Variants in THSD7B observed in about 807,000 individuals in gnomAD.
THSD7B encodes thrombospondin type-1 domain-containing protein 7B.
THSD7B carries 138 observed loss-of-function variants against 213.6 expected under a neutral mutation model. That is an observed-to-expected ratio of 0.65 (90% confidence interval 0.56 to 0.74). THSD7B has a LOEUF of 0.74. THSD7B is among the 30% of genes least tolerant of loss of function. The pLI, the probability that THSD7B is intolerant of heterozygous loss-of-function variation, is 0.00. For missense variants in THSD7B, 1,931 were observed against 1,991.5 expected, an observed-to-expected ratio of 0.97 and a Z score of 0.58; for synonymous variants, 742 against 687.0, an observed-to-expected ratio of 1.08 and a Z score of -1.25.
chr2:137,054,634 T>C (rs887239328), intron 2 of THSD7B, among the ~76,000 whole-genome samples: 1 of 152,162 alleles, frequency 6.6e-6, no homozygotes, highest in Non-Finnish European at 1.5e-5. Flanking sequence ...TAAACATCAT[T>C]TGGGGAAGCT....
chr2:136,888,609 G>A lies in THSD7B; in HGVS notation c.139+6292G>A, dbSNP rs569996558. Among the ~76,000 whole-genome samples, 7 of 152,150 alleles carry A rather than the reference G, an allele frequency of 4.6e-5. No homozygotes were observed. The South Asian group carries it at 8.3e-4, about 18-fold the overall frequency. On this transcript the variant is annotated intron_variant, in intron 2 of 27. Coordinates refer to ENST00000409968, the MANE Select transcript of THSD7B (RefSeq NM_001316349.2). The stretch of plus-strand genomic sequence containing the variant: ...GGATATTGGTTTATCTAAGAGGCAT[G>A]AGTGTTAAATCAGCAATATCCAAAA...
intron 5 of THSD7B, among the ~76,000 whole-genome samples, chr2:137,128,773 T>C (rs571956033): frequency 1.1e-4 from 16 of 152,328 alleles, no homozygotes; most frequent in East Asian, 9.6e-4. Flanking sequence ...CACTGACTTT[T>C]TACTGACACT....
intron 2 of THSD7B, among the ~76,000 whole-genome samples, chr2:136,935,667 G>A (rs1485711080): frequency 6.6e-6 from 1 of 151,956 alleles, no homozygotes; most frequent in East Asian, 1.9e-4. Context: ...CCAGTATGAA[G>A]ATGTTATATG....
At chr2:136,990,567 A>G (rs922494637) in intron 2 of THSD7B, among the ~76,000 whole-genome samples, 1 of 152,106 alleles carries the variant, frequency 6.6e-6, no homozygotes, top group African/African-American at 2.4e-5. Context: ...GCTGTGCTGG[A>G]ATGTGGGGCA....
intron 5 of THSD7B, 76 bp from the exon 6 acceptor site, chr2:137,160,137 C>A: frequency 6.9e-7 from 1 of 1,443,502 alleles, no homozygotes; most frequent in Non-Finnish European, 9.3e-7. Context: ...GCAAGACAGG[C>A]ATGCAAATAA....
At chr2:137,112,887 C>T (rs1459273455) in intron 4 of THSD7B, among the ~76,000 whole-genome samples, 2 of 152,004 alleles carry the variant, frequency 1.3e-5, no homozygotes, top group African/African-American at 4.8e-5. Flanking sequence ...ATGTCAGGCT[C>T]AATGATTGGT....
rs762375439 is a variant in THSD7B at position 136,996,070 on chromosome 2, AAGATGTAAT to A, written c.140-60347_140-60339del. ...TCTTTGAAGAGCAACATATAATTTA[AAGATGTAAT>A]AGTGTTATTTGCAGTTATGCTGATT... On this transcript the variant is annotated intron_variant, in intron 2 of 27. Transcript: ENST00000409968. Among the ~76,000 whole-genome samples the A allele has an allele frequency of 6.8e-4, 103 of 152,298 alleles. 1 individual carries two copies. The highest frequency in any genetic ancestry group is 2.6e-4 in the Non-Finnish European group (18 of 68,028).
At chr2:137,331,592 C>T (rs1684507718) in intron 12 of THSD7B, among the ~76,000 whole-genome samples, 1 of 152,222 alleles carries the variant, frequency 6.6e-6, no homozygotes, top group Non-Finnish European at 1.5e-5. Context: ...CCTGCCAGTC[C>T]TGTGCCATGT....
chr2:136,855,766 C>G (rs1439126138), intron 1 of THSD7B, among the ~76,000 whole-genome samples: 3 of 152,066 alleles, frequency 2.0e-5, no homozygotes, highest in African/African-American at 7.2e-5. Context: ...GCCATCACGC[C>G]CGGGCTTCCC....
chr2:137,237,353 G>A (rs1681788785), intron 9 of THSD7B, among the ~76,000 whole-genome samples: 1 of 152,186 alleles, frequency 6.6e-6, no homozygotes, highest in Non-Finnish European at 1.5e-5. Context: ...GTTTCTCTGG[G>A]TTTCAAGGCT....
chr2:137,527,924 C>A (rs1680309763), intron 15 of THSD7B, among the ~76,000 whole-genome samples: 1 of 152,020 alleles, frequency 6.6e-6, no homozygotes, highest in Non-Finnish European at 1.5e-5. Context: ...ATTCTAGAGT[C>A]ATTATTTTTG....
chr2:136,827,914 T>A (rs138078747), intron 1 of THSD7B, among the ~76,000 whole-genome samples: 108 of 152,226 alleles, frequency 7.1e-4, no homozygotes, highest in African/African-American at 2.6e-3. Context: ...ATTTGCTCAT[T>A]CAGGGATAAT....
chr2:137,658,139 C>A (rs574099202), intron 24 of THSD7B, among the ~76,000 whole-genome samples: 2 of 152,180 alleles, frequency 1.3e-5, no homozygotes, highest in African/African-American at 4.8e-5. Flanking sequence ...ATTGTCAGCT[C>A]CTCCTTTTTC....
chr2:137,062,886 G>A (rs940427760), intron 3 of THSD7B, among the ~76,000 whole-genome samples: 8 of 151,742 alleles, frequency 5.3e-5, no homozygotes, highest in East Asian at 1.9e-4. Context: ...TGGATCTGTC[G>A]ATTACTAGAG....
Position 137,265,158 on chromosome 2 carries a change from A to C in THSD7B, c.2267-7375A>C, listed in dbSNP as rs559240259. Among the ~76,000 whole-genome samples, 31 of 152,180 alleles carry C rather than the reference A, an allele frequency of 2.0e-4. 1 individual carries two copies. The highest frequency in any genetic ancestry group is 1.4e-3 in the Admixed American group (21 of 15,266). ...CATGTCCCTACAAAGGACATGAACT[A>C]ATCATTTTTTATGGCTGCATAGTAT... is the stretch of plus-strand genomic sequence containing the variant. On this transcript the variant is annotated intron_variant, in intron 10 of 27. Coordinates refer to ENST00000409968, the MANE Select transcript of THSD7B (RefSeq NM_001316349.2).
At chr2:137,358,768 C>T (rs1018140823) in intron 12 of THSD7B, among the ~76,000 whole-genome samples, 2 of 152,148 alleles carry the variant, frequency 1.3e-5, no homozygotes, top group Non-Finnish European at 2.9e-5. Context: ...CACAGTATCT[C>T]ACATTTAGAA....
chr2:137,038,835 G>A (rs1353519161), intron 2 of THSD7B, among the ~76,000 whole-genome samples: 3 of 152,188 alleles, frequency 2.0e-5, no homozygotes, highest in Non-Finnish European at 4.4e-5. Flanking sequence ...TTGCTTTTCT[G>A]TAGGATATAA....
At chr2:136,982,120 T>G (rs1558875757) in intron 2 of THSD7B, among the ~76,000 whole-genome samples, 1 of 152,168 alleles carries the variant, frequency 6.6e-6, no homozygotes. Context: ...AGGCTGATCT[T>G]GAACTCCTAA....
At chr2:137,205,773 A>T (rs1406223791) in intron 7 of THSD7B, among the ~76,000 whole-genome samples, 1 of 152,056 alleles carries the variant, frequency 6.6e-6, no homozygotes, top group Non-Finnish European at 1.5e-5. Flanking sequence ...TTTTAACATC[A>T]TGTGAGTCTT....
Sources: gnomAD v4.1 joint callset for allele counts (sites outside exome capture counted in the v4.1 genomes callset) on GRCh38, gnomAD v4.1.1 for gene constraint, MANE v1.5 for transcripts, NCBI Gene and HGNC (gene_info 2026-07-23, HGNC 2026-07-21) for gene names.